PDZD8: variants seen among roughly 807,000 people sequenced by gnomAD.
PDZD8 encodes the protein PDZ domain-containing protein 8.
In PDZD8, 14 loss-of-function variants were observed where a neutral mutation model predicts 85.8. The ratio of observed to expected loss-of-function variants is 0.16; its 90% confidence interval spans 0.11 to 0.26. PDZD8 has a LOEUF of 0.26. Ranked by LOEUF, PDZD8 falls within the 10% of genes least tolerant of loss-of-function variation. The probability of loss-of-function intolerance (pLI) is 1.00; values close to 1 mark genes in which losing one functional copy is unlikely to be tolerated. For synonymous variants in PDZD8, 592 were observed against 568.6 expected (o/e 1.04, Z -0.59); for missense variants, 1,197 against 1,424.3 (o/e 0.84, Z 2.57).
intron 2 of PDZD8, among the ~76,000 whole-genome samples, chr10:117,326,784 C>T (rs1471575258): frequency 6.6e-6 from 1 of 152,174 alleles, no homozygotes. Context: ...AGAATTTCTA[C>T]CTACTAGCTG....
At position 117,283,176 on chromosome 10, in the gene PDZD8, G is replaced by C; in HGVS notation, c.*92C>G. ...AGCAAGTAACTGGAGAAGCAGGCCA[G>C]AGTGCATACGAGGATTTAAACATGG... On this transcript the variant is annotated 3_prime_UTR_variant, in exon 5 of 5. Coordinates refer to ENST00000334464, the MANE Select transcript of PDZD8 (RefSeq NM_173791.5). 2.4e-6 allele frequency: 3 copies of C among 1,274,480 alleles called. No homozygotes were observed. Among genetic ancestry groups the C allele is most frequent in the Non-Finnish European group, 3.2e-6 (3 of 926,476 alleles). 78.9% of individuals were successfully genotyped at this position (1,274,480 alleles called of 1,614,324 possible). A position where few individuals can be genotyped will look rare whatever the true frequency, so the allele number is the denominator to read the frequency against.
intron 4 of PDZD8, 197 bp from the exon 5 acceptor site, chr10:117,285,668 T>C: frequency 8.4e-7 from 1 of 1,190,064 alleles, no homozygotes; most frequent in Non-Finnish European, 1.1e-6. Context: ...AAACCCTGAA[T>C]GTGCTGATAT....
intron 3 of PDZD8, among the ~76,000 whole-genome samples, chr10:117,308,065 T>A (rs998398430): frequency 6.6e-6 from 1 of 152,146 alleles, no homozygotes; most frequent in Non-Finnish European, 1.5e-5. Context: ...CTAACATCCA[T>A]GCTATGATAT....
intron 1 of PDZD8, among the ~76,000 whole-genome samples, chr10:117,357,622 C>G (rs1412259331): frequency 1.3e-5 from 2 of 150,854 alleles, no homozygotes; most frequent in Admixed American, 1.3e-4. Context: ...AAAAATTAGC[C>G]GGGCATGGTG....
Position 117,375,367 on chromosome 10 carries a change from C to G in PDZD8, c.-140G>C. ...CGGCTCCGTGGGCCTCGTCCAGGGGCTCGGGCCGGCGCGCTGCGGCGCCCG... is the reference window on the plus strand; with the variant it reads ...CGGCTCCGTGGGCCTCGTCCAGGGGGTCGGGCCGGCGCGCTGCGGCGCCCG... On this transcript the variant is annotated 5_prime_UTR_variant, in exon 1 of 5. Transcript: ENST00000334464. 1 of 558,196 alleles carries G rather than the reference C, an allele frequency of 1.8e-6. No individual in the cohort carries two copies. The allele number at this position is 558,196 out of a possible 1,614,324, so 34.6% of individuals were successfully genotyped here. A position where few individuals can be genotyped will look rare whatever the true frequency, so the allele number is the denominator to read the frequency against.
chr10:117,321,813 T>A (rs1844230220), intron 2 of PDZD8, among the ~76,000 whole-genome samples: 1 of 152,142 alleles, frequency 6.6e-6, no homozygotes, highest in African/African-American at 2.4e-5. Flanking sequence ...GTGACAAGAT[T>A]ATAAACCAAT....
intron 2 of PDZD8, among the ~76,000 whole-genome samples, chr10:117,340,068 A>G (rs1294216342): frequency 6.6e-6 from 1 of 152,196 alleles, no homozygotes; most frequent in Non-Finnish European, 1.5e-5. Flanking sequence ...CAAGATATGA[A>G]TATAGCTTAA....
intron 2 of PDZD8, among the ~76,000 whole-genome samples, chr10:117,326,648 G>A (rs59602484): frequency 0.11 from 16,006 of 152,158 alleles, 1,115 homozygotes; most frequent in East Asian, 0.34. Context: ...GTTAACTTTA[G>A]CAACATCTCT....
chr10:117,282,427 GATTAT>G lies in PDZD8; in HGVS notation c.*836_*840del, dbSNP rs1313171394. 3 of 152,022 alleles carry G rather than the reference GATTAT, an allele frequency of 2.0e-5. No homozygotes were observed. The highest frequency in any genetic ancestry group is 4.4e-5 in the Non-Finnish European group (3 of 68,000). The allele number at this position is 152,022 out of a possible 1,614,324, so 9.4% of individuals were successfully genotyped here. On this transcript the variant is annotated 3_prime_UTR_variant, in exon 5 of 5. Transcript: ENST00000334464. ...AAAGGAAAGCATCAATATTTTAAAA[GATTAT>G]ATTTCAAAATGCTATGTTACTGTTT...
At chr10:117,327,697 T>C (rs1844341331) in intron 2 of PDZD8, among the ~76,000 whole-genome samples, 1 of 152,232 alleles carries the variant, frequency 6.6e-6, no homozygotes, top group Non-Finnish European at 1.5e-5. Flanking sequence ...GTTATAATTG[T>C]CTTTTGACAG....
chr10:117,328,842 T>G (rs559516131), intron 2 of PDZD8, among the ~76,000 whole-genome samples: 1 of 152,288 alleles, frequency 6.6e-6, no homozygotes, highest in Admixed American at 6.5e-5. Context: ...CTCCTCAGCC[T>G]CCCAAAGTGT....
intron 1 of PDZD8, among the ~76,000 whole-genome samples, chr10:117,361,622 T>C (rs1268746921): frequency 1.3e-5 from 2 of 152,152 alleles, no homozygotes; most frequent in Non-Finnish European, 2.9e-5. Flanking sequence ...GCTAGTCAGG[T>C]GTTATCAAAC....
chr10:117,342,337 A>G (rs1844627988), intron 1 of PDZD8, among the ~76,000 whole-genome samples: 1 of 151,700 alleles, frequency 6.6e-6, no homozygotes. Flanking sequence ...GTCACTAGCC[A>G]TGATATCTAC....
intron 1 of PDZD8, 95 bp from the exon 2 acceptor site, chr10:117,341,197 T>C (rs998514148): frequency 3.0e-6 from 4 of 1,317,882 alleles, no homozygotes; most frequent in African/African-American, 3.0e-5. Context: ...CAAAGCAAAA[T>C]GAACACCTAA....
intron 3 of PDZD8, among the ~76,000 whole-genome samples, chr10:117,315,597 A>AC (rs1263794600): frequency 7.0e-5 from 10 of 143,794 alleles, no homozygotes; most frequent in Admixed American, 2.1e-4. Flanking sequence ...CAAAAAAAAA[A>AC]AAAAAAAAAA....
intron 2 of PDZD8, among the ~76,000 whole-genome samples, chr10:117,328,578 AT>A (rs907067968): frequency 4.1e-4 from 61 of 149,782 alleles, no homozygotes; most frequent in African/African-American, 9.8e-4. Flanking sequence ...TGCCCAGCTA[AT>A]TTTTTTTTTC....
At chr10:117,340,933 T>G (rs762886988) in intron 2 of PDZD8, 47 bp downstream of exon 2, 1 of 1,600,632 alleles carries the variant, frequency 6.2e-7, no homozygotes, top group Non-Finnish European at 8.6e-7. Context: ...ATATTTTCAC[T>G]GCACTGTTCT....
At chr10:117,285,539 G>GTATTTAATTATATA in intron 4 of PDZD8, 68 bp from the exon 5 acceptor site, 1 of 1,336,084 alleles carries the variant, frequency 7.5e-7, no homozygotes, top group Non-Finnish European at 1.0e-6. Flanking sequence ...TTTGTTAAAT[G>GTATTTAATTATATA]TATTTAATTA....
chr10:117,370,436 G>A (rs1034064393), intron 1 of PDZD8, among the ~76,000 whole-genome samples: 1 of 152,282 alleles, frequency 6.6e-6, no homozygotes. Context: ...TAATAACAAC[G>A]TTAACTGGCA....
Sources: allele counts gnomAD v4.1 joint callset (sites outside exome capture counted in the v4.1 genomes callset), GRCh38; gene constraint gnomAD v4.1.1; transcripts MANE v1.5; gene names NCBI Gene and HGNC (gene_info 2026-07-23, HGNC 2026-07-21).